The following CDH18 variants were observed in gnomAD, a reference collection of about 807,000 sequenced individuals.
CDH18 encodes the protein cadherin 18.
Under a neutral mutation model 67.9 loss-of-function variants are expected in CDH18, and 31 were observed. The ratio of observed to expected loss-of-function variants is 0.46; its 90% CI spans 0.34 to 0.62. The LOEUF (loss-of-function observed/expected upper bound fraction) is 0.62. CDH18 is among the 20% of genes least tolerant of loss of function. CDH18 has a pLI of 0.01. For missense variants in CDH18, 890 were observed against 975.5 expected (o/e 0.91, Z 1.17); for synonymous variants, 362 against 347.2 (o/e 1.04, Z -0.48).
chr5:20,057,249 G>C (rs1742071329), intron 2 of CDH18, among the ~76,000 whole-genome samples: 1 of 151,418 alleles, frequency 6.6e-6, no homozygotes, highest in African/African-American at 2.4e-5. Flanking sequence ...ATGACAATCA[G>C]AGCCATATAA....
chr5:20,068,192 C>T (rs1220017661), intron 2 of CDH18, among the ~76,000 whole-genome samples: 1 of 152,030 alleles, frequency 6.6e-6, no homozygotes, highest in African/African-American at 2.4e-5. Flanking sequence ...AAGAACGTGG[C>T]TCTTTGAGGC....
chr5:20,313,183 A>AT (rs1436294685), intron 1 of CDH18, among the ~76,000 whole-genome samples: 3 of 152,060 alleles, frequency 2.0e-5, no homozygotes, highest in African/African-American at 7.2e-5. Flanking sequence ...CAGTCAATAG[A>AT]TTTTTCAGGT....
chr5:20,561,551 T>C (rs1405524910), intron 1 of CDH18, among the ~76,000 whole-genome samples: 2 of 151,944 alleles, frequency 1.3e-5, no homozygotes, highest in African/African-American at 4.8e-5. Flanking sequence ...ACTGGAAAAC[T>C]ATGTAGTCAA....
chr5:19,520,349 C>T (rs922992940), intron 10 of CDH18, among the ~76,000 whole-genome samples: 14 of 152,130 alleles, frequency 9.2e-5, no homozygotes, highest in Admixed American at 2.0e-4. Context: ...AAGAGAGAAA[C>T]GTTTGCTATT....
At chr5:20,101,937 C>A (rs6889409) in intron 2 of CDH18, among the ~76,000 whole-genome samples, 2 of 151,874 alleles carry the variant, frequency 1.3e-5, no homozygotes, top group African/African-American at 2.4e-5. Flanking sequence ...CCAGGTGTGG[C>A]GGCACAGCCT....
chr5:20,233,264 TACAA>T (rs1374211882), intron 2 of CDH18, among the ~76,000 whole-genome samples: 2 of 151,472 alleles, frequency 1.3e-5, no homozygotes, highest in Admixed American at 6.6e-5. Context: ...TATTTAAATG[TACAA>T]ACATTTTATA....
At chr5:19,485,313 TGGCGCCACCTC>T (rs1317568346) in intron 11 of CDH18, among the ~76,000 whole-genome samples, 2 of 151,690 alleles carry the variant, frequency 1.3e-5, no homozygotes, top group Non-Finnish European at 2.9e-5. Context: ...TGGAGTGCAG[TGGCGCCACCTC>T]GGCTCACTGC....
At position 19,612,829 on chromosome 5, in the gene CDH18, C is replaced by G. The variant is rs76464942; in HGVS notation, c.644-228G>C. On this transcript the variant is annotated intron_variant, in intron 5 of 12. Coordinates refer to ENST00000382275, the MANE Select transcript of CDH18 (RefSeq NM_004934.5). ...ATTAAGTAAATTAAGATGTCTATCT[C>G]TCTGCATTCCTTAAAGTAGATGGTC... Among the ~76,000 whole-genome samples the G allele has an allele frequency of 8.5e-5, 13 of 152,242 alleles. No homozygotes were observed. The East Asian group carries it at 2.3e-3, about 27-fold the overall frequency.
At chr5:20,317,489 A>G (rs962955493) in intron 1 of CDH18, among the ~76,000 whole-genome samples, 2 of 152,178 alleles carry the variant, frequency 1.3e-5, no homozygotes, top group Admixed American at 6.5e-5. Flanking sequence ...GTTAAATATT[A>G]CATGTTATAC....
rs777188879 is a variant in CDH18 at position 19,503,127 on chromosome 5, T to C, written c.1513-18A>G. 4 of 1,247,462 alleles carry C rather than the reference T, an allele frequency of 3.2e-6. No individual in the cohort carries two copies. In the East Asian group the frequency reaches 9.3e-5, roughly 29 times the overall value. The allele number at this position is 1,247,462 out of a possible 1,614,324, so 77.3% of individuals were successfully genotyped here. A position where few individuals can be genotyped will look rare whatever the true frequency, so the allele number is the denominator to read the frequency against. On this transcript the variant is annotated intron_variant, in intron 10 of 12. Transcript: ENST00000382275. Reference sequence around the variant, plus strand: ...TGAATAACCTAAAGAAAAGACAAACTCTAAATCGTAAATTTAATTTTGCTT... The same window carrying C: ...TGAATAACCTAAAGAAAAGACAAACCCTAAATCGTAAATTTAATTTTGCTT...
intron 3 of CDH18, among the ~76,000 whole-genome samples, chr5:19,765,396 AT>A (rs780488691): frequency 1.4e-4 from 17 of 118,870 alleles, no homozygotes; most frequent in African/African-American, 4.3e-4. Context: ...TTCTTTTTTT[AT>A]TTTTTTTTTA....
chr5:19,977,984 G>C (rs1338506725), intron 2 of CDH18, among the ~76,000 whole-genome samples: 1 of 151,940 alleles, frequency 6.6e-6, no homozygotes, highest in African/African-American at 2.4e-5. Context: ...TTTTTTTAAT[G>C]ACATTGTGCA....
At chr5:20,092,405 T>C (rs1376441290) in intron 2 of CDH18, among the ~76,000 whole-genome samples, 1 of 151,982 alleles carries the variant, frequency 6.6e-6, no homozygotes, top group African/African-American at 2.4e-5. Context: ...GAAAAGAGTG[T>C]CCCGACAGGT....
chr5:19,492,776 G>A (rs1229392906), intron 11 of CDH18, among the ~76,000 whole-genome samples: 1 of 152,030 alleles, frequency 6.6e-6, no homozygotes, highest in Non-Finnish European at 1.5e-5. Flanking sequence ...GTTATTCTCT[G>A]AATCAATGTT....
At chr5:20,072,077 C>A (rs577814017) in intron 2 of CDH18, among the ~76,000 whole-genome samples, 1 of 152,142 alleles carries the variant, frequency 6.6e-6, no homozygotes, top group Non-Finnish European at 1.5e-5. Flanking sequence ...GGTTAAAATT[C>A]TCACAACTGT....
At chr5:20,460,348 C>T (rs575441219) in intron 1 of CDH18, among the ~76,000 whole-genome samples, 20 of 151,614 alleles carry the variant, frequency 1.3e-4, no homozygotes, top group Non-Finnish European at 1.8e-4. Context: ...GCTGAGATCA[C>T]GCCACTGCAC....
intron 2 of CDH18, among the ~76,000 whole-genome samples, chr5:20,029,503 G>T (rs1377365836): frequency 1.3e-5 from 2 of 152,094 alleles, no homozygotes; most frequent in Non-Finnish European, 2.9e-5. Flanking sequence ...TCATTTAAGT[G>T]ATATTCAACT....
chr5:19,827,374 T>C (rs1004762506), intron 3 of CDH18, among the ~76,000 whole-genome samples: 6 of 151,166 alleles, frequency 4.0e-5, no homozygotes, highest in Admixed American at 2.6e-4. Context: ...AACTTGACAT[T>C]TGACCAAATG....
At chr5:19,978,541 A>G (rs1027922875) in intron 2 of CDH18, among the ~76,000 whole-genome samples, 1 of 152,126 alleles carries the variant, frequency 6.6e-6, no homozygotes, top group Non-Finnish European at 1.5e-5. Flanking sequence ...TTAAAAAAAC[A>G]CTAAGTTATT....
Sources: allele counts gnomAD v4.1 joint callset (sites outside exome capture counted in the v4.1 genomes callset), GRCh38; gene constraint gnomAD v4.1.1; transcripts MANE v1.5; gene names NCBI Gene and HGNC (gene_info 2026-07-23, HGNC 2026-07-21).